Variants in VPS54 observed in about 807,000 individuals in gnomAD.
The protein encoded by VPS54 is VPS54 subunit of GARP complex, also known as vacuolar protein sorting-associated protein 54.
Under a neutral mutation model 121.5 loss-of-function variants are expected in VPS54, and 45 were observed. The ratio of observed to expected loss-of-function variants is 0.37; its 90% CI spans 0.29 to 0.47. VPS54 has a LOEUF of 0.47. Ranked by LOEUF, VPS54 falls within the 20% of genes least tolerant of loss-of-function variation. The pLI, the probability that VPS54 is intolerant of heterozygous loss-of-function variation, is 0.99. For synonymous variants in VPS54, 371 were observed against 385.8 expected (o/e 0.96, Z 0.45); for missense variants, 1,090 against 1,131.4 (o/e 0.96, Z 0.52).
intron 1 of VPS54, among the ~76,000 whole-genome samples, chr2:63,985,058 C>T (rs1159625770): frequency 6.6e-6 from 1 of 152,170 alleles, no homozygotes; most frequent in East Asian, 1.9e-4. Flanking sequence ...GTGGCTCATG[C>T]TTGTAAATCT....
At chr2:64,013,812 T>C (rs189428109) in intron 1 of VPS54, among the ~76,000 whole-genome samples, 1 of 151,406 alleles carries the variant, frequency 6.6e-6, no homozygotes, top group Non-Finnish European at 1.5e-5. Context: ...AATTACCCCA[T>C]AAAAATCTTA....
chr2:63,928,395 A>C (rs958093598), intron 12 of VPS54, among the ~76,000 whole-genome samples: 3 of 152,216 alleles, frequency 2.0e-5, no homozygotes, highest in Non-Finnish European at 2.9e-5. Flanking sequence ...AGAATTTCAT[A>C]TCCAGCCAAA....
At chr2:63,994,364 G>A (rs147032027) in intron 1 of VPS54, among the ~76,000 whole-genome samples, 65 of 152,016 alleles carry the variant, frequency 4.3e-4, no homozygotes, top group East Asian at 1.2e-3. Context: ...CTGATTTACC[G>A]GCTACACAAA....
chr2:63,998,645 TAAC>T (rs1467745109), intron 1 of VPS54, among the ~76,000 whole-genome samples: 3 of 152,208 alleles, frequency 2.0e-5, no homozygotes, highest in African/African-American at 7.2e-5. Context: ...AGATAACAAT[TAAC>T]ACTGCTTGTA....
intron 1 of VPS54, among the ~76,000 whole-genome samples, chr2:64,016,546 G>T (rs558163484): frequency 6.6e-6 from 1 of 151,918 alleles, no homozygotes; most frequent in African/African-American, 2.4e-5. Context: ...TGATGAAAAT[G>T]TTCTAAAATT....
chr2:63,912,676 A>T lies in VPS54; in HGVS notation c.2423-15T>A. 6.4e-7 allele frequency: 1 copy of T among 1,562,256 alleles called. No homozygotes were observed. Among genetic ancestry groups the T allele is most frequent in the Non-Finnish European group, 8.6e-7 (1 of 1,166,046 alleles). ...TGAAGAAAGAGCTGAAGATCCAGGG[A>T]GTAGATATATAATGGAGAAATAAAA... On this transcript the variant is annotated splice_polypyrimidine_tract_variant and intron_variant, in intron 18 of 22. Transcript: ENST00000272322.
rs559201273 is a variant in VPS54 at position 63,929,084 on chromosome 2, C to T, written c.1739+4589G>A. Among the ~76,000 whole-genome samples, 180 of 152,130 alleles carry T rather than the reference C, an allele frequency of 1.2e-3. 2 individuals carry two copies. The highest frequency in any genetic ancestry group is 3.0e-3 in the African/African-American group (125 of 41,492). On this transcript the variant is annotated intron_variant, in intron 12 of 22. Transcript: ENST00000272322. ...CAATAATAATGGGAGACGTTAATAC[C>T]CCACTGTCAATATTAGATCAACACG...
At chr2:63,909,882 G>A (rs1229588963) in intron 20 of VPS54, among the ~76,000 whole-genome samples, 3 of 150,710 alleles carry the variant, frequency 2.0e-5, no homozygotes, top group Admixed American at 6.6e-5. Flanking sequence ...CCACCACCAC[G>A]CCTGGCTAAT....
intron 3 of VPS54, among the ~76,000 whole-genome samples, chr2:63,979,859 T>A (rs1293877503): frequency 6.6e-6 from 1 of 152,216 alleles, no homozygotes; most frequent in Non-Finnish European, 1.5e-5. Flanking sequence ...TGAGGTAAAG[T>A]CTTCTAAATG....
At position 63,897,599 on chromosome 2, in the gene VPS54, G is replaced by A. The variant is rs759107755; in HGVS notation, c.2734-9C>T. The A allele has an allele frequency of 7.0e-7, 1 of 1,436,336 alleles. No individual in the cohort carries two copies. The highest frequency in any genetic ancestry group is 9.6e-7 in the Non-Finnish European group (1 of 1,036,490). The allele number at this position is 1,436,336 out of a possible 1,614,324, so 89.0% of individuals were successfully genotyped here. Reference sequence around the variant, plus strand: ...ATTCTTAAAAATAACATCTGAAAAAGAAATAAAACTAAGTTTCTTAAAGTT... The same window carrying A: ...ATTCTTAAAAATAACATCTGAAAAAAAAATAAAACTAAGTTTCTTAAAGTT... On this transcript the variant is annotated splice_polypyrimidine_tract_variant and intron_variant, in intron 21 of 22. Transcript: ENST00000272322.
At chr2:63,903,571 G>T (rs559433935) in intron 20 of VPS54, among the ~76,000 whole-genome samples, 4 of 152,110 alleles carry the variant, frequency 2.6e-5, no homozygotes, top group Admixed American at 1.3e-4. Flanking sequence ...ACAGTGGCAA[G>T]GTATCACAGG....
At chr2:63,938,416 A>G (rs556739485) in intron 11 of VPS54, among the ~76,000 whole-genome samples, 1 of 152,124 alleles carries the variant, frequency 6.6e-6, no homozygotes, top group African/African-American at 2.4e-5. Context: ...CACCTGAAAG[A>G]CTAAGGCAGG....
At chr2:63,908,083 A>G in intron 20 of VPS54, among the ~76,000 whole-genome samples, 1 of 152,222 alleles carries the variant, frequency 6.6e-6, no homozygotes, top group East Asian at 1.9e-4. Flanking sequence ...TACTAAAGAA[A>G]TGTAAACACA....
chr2:63,930,346 A>T (rs1300777631), intron 12 of VPS54, among the ~76,000 whole-genome samples: 1 of 152,212 alleles, frequency 6.6e-6, no homozygotes, highest in Non-Finnish European at 1.5e-5. Context: ...CTGGGATGCA[A>T]GGCTGGTTTG....
At chr2:63,905,369 T>A (rs1672859793) in intron 20 of VPS54, among the ~76,000 whole-genome samples, 1 of 152,016 alleles carries the variant, frequency 6.6e-6, no homozygotes, top group African/African-American at 2.4e-5. Flanking sequence ...ATAATACAGA[T>A]CCTCACTGAC....
Position 63,962,242 on chromosome 2 carries a change from G to C in VPS54, c.826C>G (p.Leu276Val), listed in dbSNP as rs765792362. Residue 276 changes from leucine to valine, a missense_variant, in exon 7 of 23, where the codon CTG becomes GTG. Around this residue, in one of 2 missense-constraint regions of VPS54, gnomAD observed 801 missense variants for 757.0 expected, o/e 1.06. Coordinates refer to ENST00000272322, the MANE Select transcript of VPS54 (RefSeq NM_016516.3). ...ACACAATTATTTCTGGTAAGTGCCA[G>C]TCTTAAAATGTGGAGTGATCCTTCA... The part of the protein sequence containing the change: ...MCEGSLHILR[L>V]ALTRNNCVKV... The C allele has an allele frequency of 3.7e-6, 6 of 1,613,904 alleles. No individual in the cohort carries two copies. The African/African-American group carries it at 4.0e-5, about 11-fold the overall frequency.
At chr2:63,998,910 T>C (rs976026820) in intron 1 of VPS54, among the ~76,000 whole-genome samples, 5 of 152,136 alleles carry the variant, frequency 3.3e-5, no homozygotes, top group Admixed American at 2.0e-4. Context: ...ATGGTATCTT[T>C]TTGCTTATTA....
At chr2:63,960,435 C>T (rs77243518) in intron 7 of VPS54, among the ~76,000 whole-genome samples, 1,866 of 152,212 alleles carry the variant, frequency 0.012, 17 homozygotes, top group Non-Finnish European at 0.014. Flanking sequence ...AAATATCCAA[C>T]CCTCTTCTTA....
intron 1 of VPS54, among the ~76,000 whole-genome samples, chr2:64,017,542 A>T (rs948147036): frequency 6.6e-6 from 1 of 152,204 alleles, no homozygotes; most frequent in African/African-American, 2.4e-5. Flanking sequence ...ATTAAATTCT[A>T]ATTTCAAAAA....
Sources: gnomAD v4.1 joint callset for allele counts (sites outside exome capture counted in the v4.1 genomes callset) on GRCh38, gnomAD v4.1.1 for gene constraint, gnomAD v4.1.1 regional missense constraint, MANE v1.5 for transcripts, NCBI Gene and HGNC (gene_info 2026-07-23, HGNC 2026-07-21) for gene names.